CNTNAP5: variants seen among roughly 807,000 people sequenced by gnomAD.
CNTNAP5 encodes contactin associated protein family member 5, also known as contactin-associated protein-like 5.
Under a neutral mutation model 150.2 loss-of-function variants are expected in CNTNAP5, and 72 were observed. That is an observed-to-expected ratio of 0.48 (90% confidence interval 0.40 to 0.58). The LOEUF (loss-of-function observed/expected upper bound fraction) is 0.58. Ranked by LOEUF, CNTNAP5 falls within the 20% of genes least tolerant of loss-of-function variation. CNTNAP5 has a pLI of 0.00. For synonymous variants in CNTNAP5, 672 were observed against 619.8 expected, an observed-to-expected ratio of 1.08 and a Z score of -1.25; for missense variants, 1,636 against 1,626.2, an observed-to-expected ratio of 1.01 and a Z score of -0.10.
At chr2:124,568,442 C>T (rs1005186890) in intron 11 of CNTNAP5, among the ~76,000 whole-genome samples, 10 of 152,276 alleles carry the variant, frequency 6.6e-5, no homozygotes, top group African/African-American at 1.2e-4. Context: ...ACATGAATTG[C>T]ACTAGTCATT....
chr2:124,554,299 C>G (rs890948319), intron 10 of CNTNAP5, among the ~76,000 whole-genome samples: 8 of 151,908 alleles, frequency 5.3e-5, no homozygotes, highest in African/African-American at 1.9e-4. Context: ...CAGAATGTGA[C>G]AAACACTTGT....
chr2:124,539,626 C>A (rs535226275), intron 10 of CNTNAP5, among the ~76,000 whole-genome samples: 2 of 152,026 alleles, frequency 1.3e-5, no homozygotes, highest in African/African-American at 2.4e-5. Context: ...AAAAGCAAGG[C>A]GATATTATTC....
intron 7 of CNTNAP5, among the ~76,000 whole-genome samples, chr2:124,476,141 C>T (rs1006340124): frequency 1.3e-5 from 2 of 151,932 alleles, no homozygotes; most frequent in African/African-American, 4.8e-5. Context: ...ACCTAATTTC[C>T]ATTGACATCC....
intron 1 of CNTNAP5, among the ~76,000 whole-genome samples, chr2:124,145,836 A>AAAAAAAAAAAAAAAAAAAAAG (rs1684235848): frequency 1.3e-5 from 1 of 75,802 alleles, no homozygotes; most frequent in Non-Finnish European, 2.5e-5. Flanking sequence ...AAAGAAGAAA[A>AAAAAAAAAAAAAAAAAAAAAG]AAAAAAAAAA....
intron 19 of CNTNAP5, among the ~76,000 whole-genome samples, chr2:124,860,853 C>A (rs1228691235): frequency 6.6e-6 from 1 of 151,998 alleles, no homozygotes; most frequent in African/African-American, 2.4e-5. Context: ...GAGAGTCAAC[C>A]TAATGAGAAG....
At chr2:124,186,797 A>C (rs747515220) in intron 1 of CNTNAP5, among the ~76,000 whole-genome samples, 29 of 152,218 alleles carry the variant, frequency 1.9e-4, no homozygotes, top group Non-Finnish European at 3.8e-4. Flanking sequence ...CTATAAAGTC[A>C]AATTTCAATC....
intron 19 of CNTNAP5, among the ~76,000 whole-genome samples, chr2:124,864,316 T>G (rs1677583650): frequency 6.6e-6 from 1 of 152,200 alleles, no homozygotes; most frequent in African/African-American, 2.4e-5. Flanking sequence ...TAAGGGTAGT[T>G]AGCACAACCA....
At chr2:124,882,243 G>A (rs1677978577) in intron 21 of CNTNAP5, among the ~76,000 whole-genome samples, 1 of 152,060 alleles carries the variant, frequency 6.6e-6, no homozygotes, top group African/African-American at 2.4e-5. Context: ...AATAGGTGAG[G>A]TTAGAAAGGA....
chr2:124,544,402 A>G (rs185627131), intron 10 of CNTNAP5, among the ~76,000 whole-genome samples: 41 of 152,354 alleles, frequency 2.7e-4, no homozygotes, highest in Admixed American at 1.2e-3. Context: ...GTGTTGCAAC[A>G]TCAATGGGGA....
chr2:124,305,375 G>A (rs186339803), intron 3 of CNTNAP5, among the ~76,000 whole-genome samples: 2 of 152,148 alleles, frequency 1.3e-5, no homozygotes, highest in African/African-American at 2.4e-5. Flanking sequence ...GCACATAAGC[G>A]AAGGAAGAAT....
intron 19 of CNTNAP5, among the ~76,000 whole-genome samples, chr2:124,807,331 G>A (rs1197825607): frequency 6.6e-6 from 1 of 152,114 alleles, no homozygotes; most frequent in Non-Finnish European, 1.5e-5. Context: ...TGGAAAGATG[G>A]GTCGGGGGAT....
chr2:124,159,795 A>T (rs1243171681), intron 1 of CNTNAP5, among the ~76,000 whole-genome samples: 1 of 152,190 alleles, frequency 6.6e-6, no homozygotes, highest in African/African-American at 2.4e-5. Context: ...AGTATCAACA[A>T]ACAGCATGTC....
chr2:124,091,466 G>A (rs1039390377), intron 1 of CNTNAP5, among the ~76,000 whole-genome samples: 2 of 152,110 alleles, frequency 1.3e-5, no homozygotes, highest in South Asian at 2.1e-4. Flanking sequence ...GCTTGCAGTC[G>A]TGATCTCATC....
At chr2:124,077,563 A>G (rs1682468252) in intron 1 of CNTNAP5, among the ~76,000 whole-genome samples, 2 of 152,192 alleles carry the variant, frequency 1.3e-5, no homozygotes, top group South Asian at 4.1e-4. Flanking sequence ...TTGCTCCAGA[A>G]GTGTTCACTA....
At chr2:124,558,739 C>T (rs1295169925) in intron 10 of CNTNAP5, among the ~76,000 whole-genome samples, 1 of 152,184 alleles carries the variant, frequency 6.6e-6, no homozygotes, top group Non-Finnish European at 1.5e-5. Context: ...GAAACTTCAG[C>T]CCGGCCCCAG....
At chr2:124,212,409 G>A (rs1686036873) in intron 1 of CNTNAP5, among the ~76,000 whole-genome samples, 1 of 152,154 alleles carries the variant, frequency 6.6e-6, no homozygotes, top group Non-Finnish European at 1.5e-5. Flanking sequence ...AACTTTTCAA[G>A]TAGGAAACAT....
intron 1 of CNTNAP5, among the ~76,000 whole-genome samples, chr2:124,209,786 A>G (rs1245183879): frequency 6.6e-6 from 1 of 152,130 alleles, no homozygotes; most frequent in African/African-American, 2.4e-5. Context: ...CTCCTAGTGG[A>G]GGTGGAGTAT....
chr2:124,578,030 C>A (rs1357876777), intron 11 of CNTNAP5, among the ~76,000 whole-genome samples: 1 of 151,750 alleles, frequency 6.6e-6, no homozygotes, highest in Non-Finnish European at 1.5e-5. Flanking sequence ...CTGAACATGG[C>A]CGGGCACGGT....
intron 1 of CNTNAP5, among the ~76,000 whole-genome samples, chr2:124,155,971 ATG>A (rs1355174744): frequency 6.6e-6 from 1 of 152,180 alleles, no homozygotes; most frequent in Admixed American, 6.5e-5. Context: ...ACTGGAGATA[ATG>A]TGCGTGGCCA....
Sources: allele counts gnomAD v4.1 joint callset (sites outside exome capture counted in the v4.1 genomes callset), GRCh38; gene constraint gnomAD v4.1.1; transcripts MANE v1.5; gene names NCBI Gene and HGNC (gene_info 2026-07-23, HGNC 2026-07-21).